ARHGEF4: variants seen among roughly 807,000 people sequenced by gnomAD.
The protein encoded by ARHGEF4 is APC-stimulated guanine nucleotide exchange factor 1.
In ARHGEF4, 119 loss-of-function variants were observed where a neutral mutation model predicts 162.0. The ratio of observed to expected loss-of-function variants is 0.73; its 90% confidence interval spans 0.63 to 0.86. ARHGEF4 has a LOEUF of 0.86. Among genes scored for constraint, ARHGEF4 ranks in the 40% least tolerant of loss-of-function variants. The pLI, the probability that ARHGEF4 is intolerant of heterozygous loss-of-function variation, is 0.00. For missense variants in ARHGEF4, 2,488 were observed against 2,456.0 expected, an observed-to-expected ratio of 1.01 and a Z score of -0.28; for synonymous variants, 1,014 against 979.9, an observed-to-expected ratio of 1.03 and a Z score of -0.65.
chr2:130,907,924 T>C (rs1438598535), intron 1 of ARHGEF4, among the ~76,000 whole-genome samples: 3 of 150,118 alleles, frequency 2.0e-5, no homozygotes, highest in Non-Finnish European at 4.4e-5. Flanking sequence ...ACCACTGCAC[T>C]CCAGCCTGGG....
At chr2:130,999,553 C>T (rs1687637258) in intron 4 of ARHGEF4, among the ~76,000 whole-genome samples, 1 of 152,038 alleles carries the variant, frequency 6.6e-6, no homozygotes, top group Non-Finnish European at 1.5e-5. Context: ...TCTTTTCATT[C>T]TCTTAATGTG....
At chr2:130,987,173 A>G (rs1686570670) in intron 4 of ARHGEF4, among the ~76,000 whole-genome samples, 1 of 152,160 alleles carries the variant, frequency 6.6e-6, no homozygotes, top group Non-Finnish European at 1.5e-5. Context: ...ACCACACACC[A>G]TCTGGGCAGG....
chr2:130,963,080 G>A (rs573558542), intron 4 of ARHGEF4, among the ~76,000 whole-genome samples: 125 of 152,222 alleles, frequency 8.2e-4, no homozygotes, highest in Non-Finnish European at 1.6e-3. Context: ...CACACACTCC[G>A]AAAAAAATAA....
In ARHGEF4 at chr2:131,046,412, G is replaced by A. The variant is rs1275489616; in HGVS notation, c.*223G>A. The stretch of plus-strand genomic sequence containing the variant: ...CAGCAAGGGGGCAGACCCCGCACTC[G>A]CCACACCGCCGCTGCAGCTTGGGCC... On this transcript the variant is annotated 3_prime_UTR_variant, in exon 14 of 14. Transcript: ENST00000409359. The A allele has an allele frequency of 1.6e-4, 90 of 553,668 alleles. No homozygotes were observed. In the East Asian group the frequency reaches 2.3e-3, roughly 14 times the overall value. 34.3% of individuals were successfully genotyped at this position (553,668 alleles called of 1,614,324 possible). A position where few individuals can be genotyped will look rare whatever the true frequency, so the allele number is the denominator to read the frequency against.
At chr2:130,910,613 G>A (rs774591326) in intron 1 of ARHGEF4, among the ~76,000 whole-genome samples, 20 of 152,150 alleles carry the variant, frequency 1.3e-4, no homozygotes, top group Non-Finnish European at 2.4e-4. Flanking sequence ...AGACTTCCGA[G>A]GATTTAAACA....
chr2:130,923,077 C>T (rs926463485), intron 2 of ARHGEF4, among the ~76,000 whole-genome samples: 18 of 151,334 alleles, frequency 1.2e-4, no homozygotes, highest in Non-Finnish European at 2.1e-4. Flanking sequence ...ACTACAGGCG[C>T]GAGCCACAAC....
At chr2:130,963,812 C>T (rs1003548912) in intron 4 of ARHGEF4, 2 of 47,824 alleles carry the variant, frequency 4.2e-5, no homozygotes, top group South Asian at 1.0e-3. Flanking sequence ...CGCGCGCGCC[C>T]CGCGCCTGCC....
At chr2:130,883,468 G>A (rs971375212) in intron 1 of ARHGEF4, among the ~76,000 whole-genome samples, 2 of 152,074 alleles carry the variant, frequency 1.3e-5, no homozygotes, top group Admixed American at 1.3e-4. Flanking sequence ...AAAACAGATC[G>A]ACTTCTCAGA....
intron 1 of ARHGEF4, among the ~76,000 whole-genome samples, chr2:130,898,106 A>G (rs1680266912): frequency 2.0e-5 from 3 of 152,224 alleles, no homozygotes; most frequent in Admixed American, 2.0e-4. Flanking sequence ...TTTTATATGT[A>G]GAGCAGTTGT....
chr2:130,850,090 C>A (rs563481712), intron 1 of ARHGEF4, among the ~76,000 whole-genome samples: 1 of 152,262 alleles, frequency 6.6e-6, no homozygotes, highest in African/African-American at 2.4e-5. Context: ...CGGGAGCCTC[C>A]CCTACTGCTG....
intron 1 of ARHGEF4, among the ~76,000 whole-genome samples, chr2:130,898,211 A>G (rs888554865): frequency 6.6e-6 from 1 of 152,218 alleles, no homozygotes; most frequent in Non-Finnish European, 1.5e-5. Flanking sequence ...ACCTGAATCT[A>G]TCCAGAGTGT....
Position 131,028,073 on chromosome 2 carries a change from GCTATCAATGAGGTA to G in ARHGEF4, c.4115_4125+3del, listed in dbSNP as rs1351003030. Reference sequence around the variant, plus strand: ...CCCTGGAGGGGGTGGGGAGCAGCTGGCTATCAATGAGGTAGGGTCAGGGCTGCACGGGCAGAGGG... The same window carrying G: ...CCCTGGAGGGGGTGGGGAGCAGCTGGGGGTCAGGGCTGCACGGGCAGAGGG... On this transcript the variant is annotated splice_donor_variant and splice_donor_region_variant and coding_sequence_variant and intron_variant, in exon 5 of 14. Coordinates refer to ENST00000409359, the MANE Select transcript of ARHGEF4 (RefSeq NM_001367493.1). LOFTEE classifies it high-confidence loss of function. 6.2e-7 allele frequency: 1 copy of G among 1,613,900 alleles called. No individual in the cohort carries two copies. Among genetic ancestry groups the G allele is most frequent in the South Asian group, 1.1e-5 (1 of 91,058 alleles).
intron 3 of ARHGEF4, among the ~76,000 whole-genome samples, chr2:130,942,960 T>C (rs1303325719): frequency 6.6e-6 from 1 of 152,164 alleles, no homozygotes; most frequent in African/African-American, 2.4e-5. Flanking sequence ...TAGTTCCAGT[T>C]GGTTGATGGT....
In ARHGEF4 at chr2:130,881,110, A is replaced by G. The variant is rs187871756; in HGVS notation, c.40-32876A>G. ...TACAGTGGCACCATCTCGGCTCACT[A>G]CAACCTCTGCCTCCCGAGTTCAAAT... On this transcript the variant is annotated intron_variant, in intron 1 of 13. Transcript: ENST00000409359. 2.0e-3 allele frequency among the ~76,000 whole-genome samples: 303 copies of G among 152,116 alleles called. 2 individuals are homozygous for G. The highest frequency in any genetic ancestry group is 7.0e-3 in the African/African-American group (290 of 41,488).
chr2:130,841,187 C>A (rs1016688414), intron 1 of ARHGEF4, among the ~76,000 whole-genome samples: 2 of 151,998 alleles, frequency 1.3e-5, no homozygotes, highest in Non-Finnish European at 2.9e-5. Flanking sequence ...ACCTCAGCCT[C>A]CCAACTAGGT....
intron 12 of ARHGEF4, 29 bp from the exon 13 acceptor site, chr2:131,045,340 C>A: frequency 6.2e-7 from 1 of 1,600,304 alleles, no homozygotes. Flanking sequence ...CGAAGTGGGG[C>A]AGCGCCCTCA....
Position 131,039,756 on chromosome 2 carries a change from C to T in ARHGEF4, c.4306-260C>T, listed in dbSNP as rs796112515. On this transcript the variant is annotated intron_variant, in intron 6 of 13. Transcript: ENST00000409359. ...GCAGCAAGCGCTCCAGCCTCTGTGC[C>T]GGGCACAAGCAGGGTCTAGGAAGGA... The T allele has an allele frequency of 3.1e-5, 42 of 1,368,756 alleles. No homozygotes were observed. The African/African-American group carries it at 6.2e-4, about 20-fold the overall frequency. The allele number at this position is 1,368,756 out of a possible 1,614,324, so 84.8% of individuals were successfully genotyped here.
chr2:130,918,257 G>C (rs1681644860), intron 2 of ARHGEF4, among the ~76,000 whole-genome samples: 1 of 152,158 alleles, frequency 6.6e-6, no homozygotes, highest in South Asian at 2.1e-4. Context: ...AGGAAATGTT[G>C]GTGCTTCTGA....
rs1210031270 is a variant in ARHGEF4 at position 131,041,451 on chromosome 2, C to T, written c.4884C>T (p.His1628=). The T allele has an allele frequency of 4.3e-6, 7 of 1,612,264 alleles. No individual in the cohort carries two copies. Among genetic ancestry groups the T allele is most frequent in the Non-Finnish European group, 5.9e-6 (7 of 1,179,712 alleles). Residue 1628 remains histidine, a synonymous_variant, in exon 9 of 14, where the codon CAC becomes CAT. Coordinates refer to ENST00000409359, the MANE Select transcript of ARHGEF4 (RefSeq NM_001367493.1). ...LQLAELLKYT[H]PQHRDFKDVE... is the part of the protein sequence containing the mutation. Reference sequence around the variant, plus strand: ...TGGCCGAGCTGCTCAAATACACGCACCCCCAGCACAGGTAGGAGGGCACTG... The same window carrying T: ...TGGCCGAGCTGCTCAAATACACGCATCCCCAGCACAGGTAGGAGGGCACTG...
Sources: gnomAD v4.1 joint callset for allele counts (sites outside exome capture counted in the v4.1 genomes callset) on GRCh38, gnomAD v4.1.1 for gene constraint, MANE v1.5 for transcripts, NCBI Gene and HGNC (gene_info 2026-07-23, HGNC 2026-07-21) for gene names.